The following PRR16 variants were observed in gnomAD, a reference collection of about 807,000 sequenced individuals.
PRR16 encodes the protein protein Largen.
In PRR16, 6 loss-of-function variants were observed where a neutral mutation model predicts 18.2. That is an observed-to-expected ratio of 0.33 (90% CI 0.18 to 0.65). PRR16 has a LOEUF of 0.65. Ranked by LOEUF, PRR16 falls within the 30% of genes least tolerant of loss-of-function variation. The pLI, the probability that PRR16 is intolerant of heterozygous loss-of-function variation, is 0.74. For missense variants in PRR16, 412 were observed against 376.6 expected (o/e 1.09, Z -0.78); for synonymous variants, 151 against 147.8 (o/e 1.02, Z -0.16).
chr5:120,739,738 C>A, the PRR16 span, among the ~76,000 whole-genome samples: 1 of 152,102 alleles, frequency 6.6e-6, no homozygotes, highest in South Asian at 2.1e-4. Context: ...ATCATTAGCA[C>A]AAATTATCAA....
chr5:120,487,522 G>A (rs1360203091), intron 1 of PRR16, among the ~76,000 whole-genome samples: 1 of 152,156 alleles, frequency 6.6e-6, no homozygotes, highest in African/African-American at 2.4e-5. Context: ...TGCTGAAGTT[G>A]CTTATCAGCT....
chr5:120,522,973 C>G (rs1751235235), intron 1 of PRR16, among the ~76,000 whole-genome samples: 2 of 152,102 alleles, frequency 1.3e-5, no homozygotes, highest in African/African-American at 2.4e-5. Context: ...AGTCACCATA[C>G]TTTGTATAGA....
At chr5:120,609,543 A>T (rs1313596652) in intron 1 of PRR16, among the ~76,000 whole-genome samples, 1 of 152,190 alleles carries the variant, frequency 6.6e-6, no homozygotes, top group Non-Finnish European at 1.5e-5. Context: ...TTTAGCTAAG[A>T]TTTTCGACAA....
At chr5:120,591,293 A>T (rs1177604310) in intron 1 of PRR16, among the ~76,000 whole-genome samples, 1 of 152,048 alleles carries the variant, frequency 6.6e-6, no homozygotes, top group Non-Finnish European at 1.5e-5. Context: ...AAAAGAATAA[A>T]TAAATAAATA....
intron 1 of PRR16, among the ~76,000 whole-genome samples, chr5:120,586,988 G>A (rs1226081722): frequency 1.3e-5 from 2 of 152,174 alleles, no homozygotes; most frequent in East Asian, 1.9e-4. Context: ...TACTTCTCTG[G>A]TGAACACACA....
At chr5:120,789,216 G>T in the PRR16 span, among the ~76,000 whole-genome samples, 2 of 151,920 alleles carry the variant, frequency 1.3e-5, no homozygotes, top group Non-Finnish European at 2.9e-5. Flanking sequence ...ACCTATTATT[G>T]TGAGTGTAAG....
chr5:120,758,819 A>G, the PRR16 span, among the ~76,000 whole-genome samples: 1 of 152,084 alleles, frequency 6.6e-6, no homozygotes. Flanking sequence ...ATGAAAACAA[A>G]CTAATACATT....
At chr5:120,708,117 A>G in the PRR16 span, among the ~76,000 whole-genome samples, 1 of 152,240 alleles carries the variant, frequency 6.6e-6, no homozygotes, top group Non-Finnish European at 1.5e-5. Context: ...CTAATTTGTC[A>G]GTATTTCTGA....
the PRR16 span, among the ~76,000 whole-genome samples, chr5:120,713,979 A>G: frequency 6.6e-6 from 1 of 152,070 alleles, no homozygotes; most frequent in Non-Finnish European, 1.5e-5. Context: ...CATTTCCGAG[A>G]CCCATGAAAA....
chr5:120,701,952 C>T, the PRR16 span, among the ~76,000 whole-genome samples: 2 of 152,064 alleles, frequency 1.3e-5, no homozygotes, highest in South Asian at 4.1e-4. Flanking sequence ...GGTCAAGCGG[C>T]ATTGCAGAAG....
chr5:120,625,300 G>A lies in PRR16; in HGVS notation c.160-60654G>A, dbSNP rs904139141. Among the ~76,000 whole-genome samples the A allele has an allele frequency of 4.9e-4, 75 of 152,032 alleles. 1 individual carries two copies. The highest frequency in any genetic ancestry group is 3.9e-3 in the Admixed American group (59 of 15,240). On this transcript the variant is annotated intron_variant, in intron 1 of 1. Transcript: ENST00000407149. Reference sequence around the variant, plus strand: ...GTTTCTTCCCCACCAATGACTGTGCGGTAGTGGTCAGATGGGAAAATAAAT... The same window carrying A: ...GTTTCTTCCCCACCAATGACTGTGCAGTAGTGGTCAGATGGGAAAATAAAT...
intron 1 of PRR16, among the ~76,000 whole-genome samples, chr5:120,563,916 G>A (rs564478549): frequency 2.6e-5 from 4 of 152,240 alleles, no homozygotes; most frequent in East Asian, 1.9e-4. Flanking sequence ...CATACTAAAC[G>A]GGTATTACTC....
At chr5:120,515,836 A>AC (rs1750971285) in intron 1 of PRR16, among the ~76,000 whole-genome samples, 1 of 152,184 alleles carries the variant, frequency 6.6e-6, no homozygotes, top group Admixed American at 6.5e-5. Flanking sequence ...TATAGCATTT[A>AC]TGTATTATGA....
intron 1 of PRR16, among the ~76,000 whole-genome samples, chr5:120,568,441 T>C (rs1333206160): frequency 1.3e-5 from 2 of 152,150 alleles, no homozygotes; most frequent in Admixed American, 1.3e-4. Context: ...GGGAAAGATC[T>C]TTCCTGAAAG....
chr5:120,650,342 T>C (rs1265321317), intron 1 of PRR16, among the ~76,000 whole-genome samples: 3 of 151,926 alleles, frequency 2.0e-5, no homozygotes, highest in African/African-American at 7.3e-5. Flanking sequence ...TTTTTTTTTA[T>C]TATACTTTAA....
intron 1 of PRR16, among the ~76,000 whole-genome samples, chr5:120,538,860 T>C (rs1450675705): frequency 6.6e-6 from 1 of 152,232 alleles, no homozygotes; most frequent in African/African-American, 2.4e-5. Flanking sequence ...TGCAGCCTGC[T>C]TAGGGCTACT....
intron 1 of PRR16, among the ~76,000 whole-genome samples, chr5:120,500,365 T>C (rs1367519012): frequency 1.3e-5 from 2 of 152,226 alleles, no homozygotes; most frequent in Non-Finnish European, 2.9e-5. Context: ...TTTCTTCTTC[T>C]ATCACCCTTT....
At chr5:120,642,259 T>A (rs979346058) in intron 1 of PRR16, among the ~76,000 whole-genome samples, 2 of 119,524 alleles carry the variant, frequency 1.7e-5, no homozygotes, top group Non-Finnish European at 3.9e-5. Flanking sequence ...CTTCAACAGC[T>A]GTTTTTTTTT....
chr5:120,630,457 C>T (rs1755014618), intron 1 of PRR16, among the ~76,000 whole-genome samples: 1 of 152,114 alleles, frequency 6.6e-6, no homozygotes. Context: ...TCTACTCTGG[C>T]AGATGTTCCT....
Sources: allele counts gnomAD v4.1 joint callset (sites outside exome capture counted in the v4.1 genomes callset), GRCh38; gene constraint gnomAD v4.1.1; transcripts MANE v1.5; gene names NCBI Gene and HGNC (gene_info 2026-07-23, HGNC 2026-07-21).